The following CALN1 variants were observed in gnomAD, a reference collection of about 807,000 sequenced individuals.
CALN1 encodes calneuron 1.
Under a neutral mutation model 30.6 loss-of-function variants are expected in CALN1, and 17 were observed. The ratio of observed to expected loss-of-function variants is 0.56; its 90% confidence interval spans 0.38 to 0.83. CALN1 has a LOEUF of 0.83. CALN1 is among the 40% of genes least tolerant of loss of function. The pLI is 0.00. For synonymous variants in CALN1, 156 were observed against 131.4 expected (o/e 1.19, Z -1.28); for missense variants, 291 against 354.9 (o/e 0.82, Z 1.45).
At chr7:72,237,896 ACAT>A (rs1210379445) in intron 3 of CALN1, among the ~76,000 whole-genome samples, 1 of 152,258 alleles carries the variant, frequency 6.6e-6, no homozygotes, top group Non-Finnish European at 1.5e-5. Flanking sequence ...AGTGCCTGCA[ACAT>A]CATGGCTCTT....
At chr7:72,102,535 C>A (rs766901611) in intron 4 of CALN1, among the ~76,000 whole-genome samples, 1 of 152,032 alleles carries the variant, frequency 6.6e-6, no homozygotes, top group Admixed American at 6.6e-5. Flanking sequence ...ATAAAACAAG[C>A]TGTTATGTCC....
chr7:72,365,304 G>A (rs1287262395), intron 2 of CALN1, among the ~76,000 whole-genome samples: 1 of 152,076 alleles, frequency 6.6e-6, no homozygotes, highest in Non-Finnish European at 1.5e-5. Flanking sequence ...CTGCACTCCA[G>A]CCTGGGTGAC....
the CALN1 span, among the ~76,000 whole-genome samples, chr7:72,475,932 T>G: frequency 7.6e-6 from 1 of 131,472 alleles, no homozygotes; most frequent in Non-Finnish European, 1.5e-5. Flanking sequence ...TCTCTCTCCC[T>G]CTCTCTCTCT....
At chr7:72,121,906 T>C (rs944160655) in intron 3 of CALN1, among the ~76,000 whole-genome samples, 2 of 147,448 alleles carry the variant, frequency 1.4e-5, no homozygotes, top group African/African-American at 2.5e-5. Flanking sequence ...ATATTTTATA[T>C]ATAAATATAT....
chr7:72,078,265 C>A (rs1446953970), intron 4 of CALN1, among the ~76,000 whole-genome samples: 9 of 152,044 alleles, frequency 5.9e-5, no homozygotes, highest in Non-Finnish European at 1.2e-4. Flanking sequence ...TCTGCAGCTA[C>A]CCCGAGAAGG....
At chr7:71,874,279 T>TAAAA (rs57423286) in intron 5 of CALN1, among the ~76,000 whole-genome samples, 77 of 97,628 alleles carry the variant, frequency 7.9e-4, no homozygotes, top group African/African-American at 2.6e-3. Flanking sequence ...TCTCAAACAT[T>TAAAA]AAAAAAAAAA....
At chr7:72,321,533 G>T (rs765611142) in intron 2 of CALN1, among the ~76,000 whole-genome samples, 1 of 152,194 alleles carries the variant, frequency 6.6e-6, no homozygotes, top group Admixed American at 6.5e-5. Context: ...TGTTTTGCGT[G>T]AAGTGGGGCA....
chr7:72,220,974 T>C (rs932163213), intron 3 of CALN1, among the ~76,000 whole-genome samples: 3 of 147,568 alleles, frequency 2.0e-5, no homozygotes, highest in African/African-American at 7.3e-5. Flanking sequence ...TTGCAAAAAT[T>C]TTCTCCCATT....
chr7:72,389,892 C>T (rs1156285462), intron 2 of CALN1, among the ~76,000 whole-genome samples: 1 of 150,398 alleles, frequency 6.6e-6, no homozygotes, highest in Non-Finnish European at 1.5e-5. Context: ...GCAGCCACTG[C>T]ACTCCAGCCT....
At chr7:72,032,932 G>C (rs1231084640) in intron 4 of CALN1, among the ~76,000 whole-genome samples, 3 of 152,164 alleles carry the variant, frequency 2.0e-5, no homozygotes, top group Non-Finnish European at 4.4e-5. Context: ...ACAATGGTGA[G>C]TCTCTTCCTA....
intron 1 of CALN1, among the ~76,000 whole-genome samples, chr7:72,409,135 A>AC (rs931200356): frequency 1.3e-5 from 2 of 151,900 alleles, no homozygotes; most frequent in African/African-American, 2.4e-5. Context: ...AGCTGGGATT[A>AC]CAGGCGCCCG....
intron 3 of CALN1, among the ~76,000 whole-genome samples, chr7:72,240,055 G>T (rs1409212135): frequency 6.6e-6 from 1 of 152,142 alleles, no homozygotes; most frequent in Non-Finnish European, 1.5e-5. Flanking sequence ...ATCCTGGAGA[G>T]AATCCTAGCC....
At chr7:72,362,523 T>A (rs1391713218) in intron 2 of CALN1, among the ~76,000 whole-genome samples, 1 of 152,118 alleles carries the variant, frequency 6.6e-6, no homozygotes, top group Non-Finnish European at 1.5e-5. Flanking sequence ...TACACTTCCT[T>A]CACTTCCTTT....
chr7:72,237,084 A>G (rs1215005209), intron 3 of CALN1, among the ~76,000 whole-genome samples: 6 of 151,836 alleles, frequency 4.0e-5, no homozygotes, highest in African/African-American at 1.5e-4. Context: ...TCCTGGGTTC[A>G]AGCAATTGTC....
intron 2 of CALN1, among the ~76,000 whole-genome samples, chr7:72,364,076 A>AG (rs1803733085): frequency 1.3e-5 from 2 of 151,972 alleles, no homozygotes; most frequent in African/African-American, 4.8e-5. Flanking sequence ...AAAAAAAAAA[A>AG]TACTTTACTA....
At chr7:71,966,364 C>T (rs1797531492) in intron 5 of CALN1, among the ~76,000 whole-genome samples, 1 of 152,138 alleles carries the variant, frequency 6.6e-6, no homozygotes, top group African/African-American at 2.4e-5. Context: ...GTCTCATGTT[C>T]AATTGTAATC....
intron 4 of CALN1, among the ~76,000 whole-genome samples, chr7:72,080,191 G>A (rs1037857242): frequency 2.6e-5 from 4 of 152,154 alleles, no homozygotes; most frequent in Admixed American, 6.6e-5. Context: ...TGTGCAGAAC[G>A]AACCTGTTAC....
chr7:71,938,261 A>G (rs556166025), intron 5 of CALN1, among the ~76,000 whole-genome samples: 1 of 152,322 alleles, frequency 6.6e-6, no homozygotes, highest in South Asian at 2.1e-4. Context: ...TACAATGACG[A>G]CAGACTTTTT....
chr7:71,812,517 T>C (rs995937126), intron 5 of CALN1, among the ~76,000 whole-genome samples: 1 of 152,182 alleles, frequency 6.6e-6, no homozygotes, highest in Admixed American at 6.5e-5. Context: ...GTAAAAAGTC[T>C]GTGAAACAGA....
Sources: gnomAD v4.1 joint callset for allele counts (sites outside exome capture counted in the v4.1 genomes callset) on GRCh38, gnomAD v4.1.1 for gene constraint, MANE v1.5 for transcripts, NCBI Gene and HGNC (gene_info 2026-07-23, HGNC 2026-07-21) for gene names.